CLGN: variants seen among roughly 807,000 people sequenced by gnomAD.
CLGN encodes the protein calmegin.
CLGN carries 62 observed loss-of-function variants against 79.1 expected under a neutral mutation model. The observed-to-expected ratio is 0.78, with a 90% CI of 0.64 to 0.97. The LOEUF is 0.97. Among genes scored for constraint, CLGN ranks in the 50% least tolerant of loss-of-function variants. The pLI is 0.00. For missense variants in CLGN, 647 were observed against 715.5 expected (o/e 0.90, Z 1.09); for synonymous variants, 225 against 224.7 (o/e 1.00, Z -0.01).
chr4:140,414,596 A>G (rs529773805), intron 1 of CLGN, among the ~76,000 whole-genome samples: 2 of 147,232 alleles, frequency 1.4e-5, no homozygotes, highest in South Asian at 2.2e-4. Flanking sequence ...AAGAAAGGGT[A>G]TCAGCGATGG....
chr4:140,398,263 C>CTTT (rs1162212217), intron 8 of CLGN, among the ~76,000 whole-genome samples: 1,199 of 86,842 alleles, frequency 0.014, 9 homozygotes, highest in African/African-American at 0.019. Context: ...CAAACATACT[C>CTTT]TTTTTTTTTT....
chr4:140,425,433 T>TGTGGGTGTGTGG (rs1386886225), intron 1 of CLGN, among the ~76,000 whole-genome samples: 1 of 76,122 alleles, frequency 1.3e-5, no homozygotes, highest in East Asian at 3.2e-4. Flanking sequence ...CAATAGGGTG[T>TGTGGGTGTGTGG]GTGTGTGTGT....
intron 1 of CLGN, among the ~76,000 whole-genome samples, chr4:140,414,217 G>C (rs1402700472): frequency 6.6e-6 from 1 of 152,164 alleles, no homozygotes; most frequent in Non-Finnish European, 1.5e-5. Context: ...CATCATCAAA[G>C]ACCAAAAGTA....
intron 1 of CLGN, among the ~76,000 whole-genome samples, chr4:140,421,378 T>C (rs1218697406): frequency 6.6e-6 from 1 of 152,164 alleles, no homozygotes; most frequent in Non-Finnish European, 1.5e-5. Context: ...TCATACTGTT[T>C]TCCACAGTGG....
chr4:140,389,289 C>T lies in CLGN; in HGVS notation c.1768G>A (p.Glu590Lys). ...GGCCCATCTCCAGATCCTGTGCTCT[C>T]ATCTGCTTCTTTCATCTAGAAAAAA... ...GSEDEMKEAD[E>K]STGSGDGPIK... is the part of the protein sequence containing the mutation. The change falls in exon 15 of 15, where the codon GAG becomes AAG. Residue 590 changes from glutamate (E) to lysine (K), a missense_variant. Physicochemically the swap from Glu to Lys is moderately conservative, Grantham distance 56 (BLOSUM62 1). Coordinates refer to ENST00000325617, the MANE Select transcript of CLGN (RefSeq NM_004362.3). The T allele has an allele frequency of 6.2e-7, 1 of 1,612,138 alleles. No individual in the cohort carries two copies. Among genetic ancestry groups the T allele is most frequent in the Non-Finnish European group, 8.5e-7 (1 of 1,178,680 alleles).
chr4:140,392,604 A>G lies in CLGN; in HGVS notation c.1473T>C (p.Cys491=). Residue 491 remains cysteine, a synonymous_variant, in exon 12 of 15, where the codon TGT becomes TGC. Transcript: ENST00000325617. ...TCTTTACCTTTACTTTTCTTGGCCA[A>G]CAAAATGAAGTAATTAATGCTATTG... ...GVPIALITSF[C]WPRKVKKKHK... 1 of 1,597,690 alleles carries G rather than the reference A, an allele frequency of 6.3e-7. No homozygotes were observed. The highest frequency in any genetic ancestry group is 8.5e-7 in the Non-Finnish European group (1 of 1,175,480).
At position 140,388,941 on chromosome 4, in the gene CLGN, C is replaced by G; in HGVS notation, c.*283G>C. 2.9e-6 allele frequency: 1 copy of G among 342,394 alleles called. No individual in the cohort carries two copies. Among genetic ancestry groups the G allele is most frequent in the Non-Finnish European group, 5.3e-6 (1 of 187,026 alleles). 21.2% of individuals were successfully genotyped at this position (342,394 alleles called of 1,614,324 possible). Reference sequence around the variant, plus strand: ...TACATATTATTTTGTTCTGTACAAACCAAAACTATCTCCAAACAACTAAAA... The same window carrying G: ...TACATATTATTTTGTTCTGTACAAAGCAAAACTATCTCCAAACAACTAAAA... On this transcript the variant is annotated 3_prime_UTR_variant, in exon 15 of 15. Coordinates refer to ENST00000325617, the MANE Select transcript of CLGN (RefSeq NM_004362.3).
At chr4:140,419,667 A>G (rs912995432) in intron 1 of CLGN, among the ~76,000 whole-genome samples, 1 of 152,128 alleles carries the variant, frequency 6.6e-6, no homozygotes, top group African/African-American at 2.4e-5. Flanking sequence ...TGCTATGGAG[A>G]AAGTTCTTTT....
intron 10 of CLGN, among the ~76,000 whole-genome samples, 168 bp from the exon 11 acceptor site, chr4:140,394,209 T>C (rs1346164996): frequency 1.3e-5 from 2 of 152,204 alleles, no homozygotes; most frequent in Non-Finnish European, 2.9e-5. Context: ...CTTGTTTCTT[T>C]TGCTGTGTAC....
chr4:140,420,990 TTCTAATA>T (rs1729458906), intron 1 of CLGN, among the ~76,000 whole-genome samples: 2 of 152,128 alleles, frequency 1.3e-5, no homozygotes, highest in Admixed American at 6.6e-5. Flanking sequence ...GAAACCATCT[TTCTAATA>T]TCTATCTCTA....
intron 1 of CLGN, among the ~76,000 whole-genome samples, chr4:140,424,990 C>T (rs934145804): frequency 6.6e-6 from 1 of 152,140 alleles, no homozygotes; most frequent in African/African-American, 2.4e-5. Context: ...CCACTACCAC[C>T]CCCAAATTAC....
intron 4 of CLGN, among the ~76,000 whole-genome samples, chr4:140,408,884 T>TATAC (rs778910042): frequency 0.014 from 2,024 of 145,528 alleles, 22 homozygotes; most frequent in Non-Finnish European, 0.021. Flanking sequence ...TATATATATA[T>TATAC]ACACACACAC....
chr4:140,396,494 C>T (rs184251517), intron 8 of CLGN, among the ~76,000 whole-genome samples: 25 of 151,990 alleles, frequency 1.6e-4, no homozygotes, highest in African/African-American at 5.5e-4. Flanking sequence ...AAAACTCAGT[C>T]ATTCATCAAC....
chr4:140,423,555 A>C (rs1412366005), intron 1 of CLGN, among the ~76,000 whole-genome samples: 2 of 152,180 alleles, frequency 1.3e-5, no homozygotes, highest in Non-Finnish European at 2.9e-5. Context: ...TGAATCTGGA[A>C]GTGTTTACTC....
Position 140,400,500 on chromosome 4 carries a change from T to C in CLGN, c.551A>G (p.Lys184Arg). 1.2e-6 allele frequency: 2 copies of C among 1,606,244 alleles called. No homozygotes were observed. Among genetic ancestry groups the C allele is most frequent in the Non-Finnish European group, 1.7e-6 (2 of 1,173,488 alleles). The change falls in exon 7 of 15, where the codon AAA becomes AGA. Residue 184 changes from lysine to arginine, a missense_variant. Coordinates refer to ENST00000325617, the MANE Select transcript of CLGN (RefSeq NM_004362.3). Reference protein sequence around the residue: ...TSYIIMFGPDKCGEDYKLHFI... With the variant: ...TSYIIMFGPDRCGEDYKLHFI... ...ATGAAGTTTATAATCTTCTCCACAT[T>C]TATCTGGTCCAAACATAATGATATA...
In CLGN at chr4:140,396,903, A is replaced by ATGTG. The variant is rs1216626825; in HGVS notation, c.885-699_885-698insCACA. 3.2e-3 allele frequency among the ~76,000 whole-genome samples: 211 copies of ATGTG among 66,292 alleles called. 2 individuals carry two copies. The highest frequency in any genetic ancestry group is 9.9e-3 in the African/African-American group (202 of 20,386). 43.5% of individuals were successfully genotyped at this position (66,292 alleles called of 152,430 possible). On this transcript the variant is annotated intron_variant, in intron 8 of 14. Transcript: ENST00000325617. ...TATATATATATATGTATATATATAT[A>ATGTG]TATGTATATATATATATATACACAT...
At chr4:140,419,797 A>T (rs1729428003) in intron 1 of CLGN, among the ~76,000 whole-genome samples, 2 of 152,178 alleles carry the variant, frequency 1.3e-5, no homozygotes, top group African/African-American at 4.8e-5. Flanking sequence ...CAAAAGAGGT[A>T]TAACTGGGAT....
chr4:140,406,033 C>T lies in CLGN; in HGVS notation c.328G>A (p.Gly110Arg). The change falls in exon 5 of 15, where the codon GGA (glycine) becomes AGA (arginine). Residue 110 changes from glycine to arginine, a missense_variant. Transcript: ENST00000325617. ...TTTGCTCTAGATTTTAATACCAGTC[C>T]TCTGTCACCAGGTACCTGGTTTTCT... The part of the protein sequence containing the change: ...LKENQVPGDR[G>R]LVLKSRAKHH... 6.2e-7 allele frequency: 1 copy of T among 1,613,178 alleles called. No homozygotes were observed. The highest frequency in any genetic ancestry group is 1.3e-5 in the African/African-American group (1 of 75,022).
rs774055681 is a variant in CLGN, at chr4:140,390,621, C to A, written c.1752+7G>T. 6.4e-7 allele frequency: 1 copy of A among 1,571,114 alleles called. No individual in the cohort carries two copies. The highest frequency in any genetic ancestry group is 8.6e-7 in the Non-Finnish European group (1 of 1,156,474). On this transcript the variant is annotated splice_region_variant and intron_variant, in intron 14 of 14. Coordinates refer to ENST00000325617, the MANE Select transcript of CLGN (RefSeq NM_004362.3). ...CTATACATAGAAACCAGCTTATTTT[C>A]TGTTACCTCATCCTCTGACCCAGAC...
Sources: gnomAD v4.1 joint callset for allele counts (sites outside exome capture counted in the v4.1 genomes callset) on GRCh38, gnomAD v4.1.1 for gene constraint, MANE v1.5 for transcripts, NCBI Gene and HGNC (gene_info 2026-07-23, HGNC 2026-07-21) for gene names.